APTX: variants seen among roughly 807,000 people sequenced by gnomAD.
The protein encoded by APTX is forkhead-associated domain histidine triad-like protein.
APTX carries 33 observed loss-of-function variants against 42.3 expected under a neutral mutation model. The ratio of observed to expected loss-of-function variants is 0.78; its 90% CI spans 0.59 to 1.04. APTX has a LOEUF of 1.04. APTX is among the 50% of genes least tolerant of loss of function. The pLI is 0.00. For synonymous variants in APTX, 130 were observed against 146.7 expected (o/e 0.89, Z 0.82); for missense variants, 421 against 415.1 (o/e 1.01, Z -0.12).
At chr9:32,986,596 G>A (rs1168205503) in intron 4 of APTX, among the ~76,000 whole-genome samples, 10 of 149,382 alleles carry the variant, frequency 6.7e-5, no homozygotes, top group Non-Finnish European at 1.3e-4. Context: ...TCTGCCTCCC[G>A]GGTTCAAGCG....
In APTX at chr9:33,019,564, C is replaced by T. The variant is rs146740327; in HGVS notation, c.-5+5459G>A. On this transcript the variant is annotated intron_variant, in intron 1 of 6. Transcript: ENST00000436040. Reference sequence around the variant, plus strand: ...AGAGAAAACAAGGGACCCCTGAGCACACAAAGGCAGTACAGGCCGACCATG... The same window carrying T: ...AGAGAAAACAAGGGACCCCTGAGCATACAAAGGCAGTACAGGCCGACCATG... 287 of 350,864 alleles carry T rather than the reference C, an allele frequency of 8.2e-4. 1 individual carries two copies. Among genetic ancestry groups the T allele is most frequent in the African/African-American group, 5.7e-3 (267 of 47,204 alleles). 21.7% of individuals were successfully genotyped at this position (350,864 alleles called of 1,614,324 possible). A position where few individuals can be genotyped will look rare whatever the true frequency, so the allele number is the denominator to read the frequency against.
At chr9:33,018,410 A>G (rs561963380) in intron 1 of APTX, among the ~76,000 whole-genome samples, 1 of 151,702 alleles carries the variant, frequency 6.6e-6, no homozygotes, top group South Asian at 2.1e-4. Flanking sequence ...TCTACTAAAA[A>G]TACAAAAATT....
chr9:32,982,179 T>A (rs190559516), intron 6 of APTX, among the ~76,000 whole-genome samples: 1 of 152,100 alleles, frequency 6.6e-6, no homozygotes, highest in East Asian at 1.9e-4. Context: ...GTCAACCTAA[T>A]CATGAAAAAC....
At chr9:33,025,032 A>C (rs1838757850) in exon 1 of APTX, 1 of 152,376 alleles carries the variant, frequency 6.6e-6, no homozygotes, top group Non-Finnish European at 1.5e-5. Flanking sequence ...CCAGCCGGAG[A>C]CTTCCGCACT....
Position 32,972,827 on chromosome 9 carries a change from A to AAC in APTX, c.*669_*670dup. The AAC allele has an allele frequency of 2.2e-6, 1 of 454,132 alleles. No individual in the cohort carries two copies. Among genetic ancestry groups the AAC allele is most frequent in the Non-Finnish European group, 4.4e-6 (1 of 226,796 alleles). The allele number at this position is 454,132 out of a possible 1,614,324, so 28.1% of individuals were successfully genotyped here. A position where few individuals can be genotyped will look rare whatever the true frequency, so the allele number is the denominator to read the frequency against. On this transcript the variant is annotated 3_prime_UTR_variant, in exon 8 of 8. Coordinates refer to ENST00000379817, the MANE Select transcript of APTX (RefSeq NM_001195248.2). Reference sequence around the variant, plus strand: ...AAGACTTCACAGCTCAATCATGACGAACATGTGGCTGTTTCCTCACAGCCA... The same window carrying AAC: ...AAGACTTCACAGCTCAATCATGACGAACACATGTGGCTGTTTCCTCACAGCCA...
chr9:33,011,298 T>G (rs1287561614), intron 1 of APTX, among the ~76,000 whole-genome samples: 1 of 149,780 alleles, frequency 6.7e-6, no homozygotes, highest in Non-Finnish European at 1.5e-5. Context: ...ATTTTTTTTT[T>G]TTGTTTTGAG....
intron 6 of APTX, among the ~76,000 whole-genome samples, chr9:32,984,131 C>CA (rs1288210606): frequency 2.6e-5 from 4 of 152,304 alleles, no homozygotes; most frequent in African/African-American, 9.6e-5. Flanking sequence ...TGAAAGAAAT[C>CA]AGTCATTCCT....
chr9:33,010,626 G>T (rs1246362790), intron 1 of APTX, among the ~76,000 whole-genome samples: 1 of 152,002 alleles, frequency 6.6e-6, no homozygotes, highest in Non-Finnish European at 1.5e-5. Context: ...GGCTGAGGCA[G>T]GAGAATCGCT....
intron 1 of APTX, among the ~76,000 whole-genome samples, chr9:33,014,420 A>G (rs1837755068): frequency 6.6e-6 from 1 of 152,274 alleles, no homozygotes; most frequent in Non-Finnish European, 1.5e-5. Context: ...GTTTAACCCA[A>G]CAGTAGAATA....
chr9:32,982,194 T>C (rs1042663551), intron 6 of APTX, among the ~76,000 whole-genome samples: 1 of 151,918 alleles, frequency 6.6e-6, no homozygotes, highest in Non-Finnish European at 1.5e-5. Context: ...AAAAACAAAA[T>C]TAGACAAACC....
intron 1 of APTX, among the ~76,000 whole-genome samples, chr9:32,990,713 C>G (rs1037267948): frequency 2.6e-5 from 4 of 152,010 alleles, no homozygotes; most frequent in Non-Finnish European, 5.9e-5. Context: ...AAAGGCTTCA[C>G]GAGGAAGGGA....
At chr9:33,008,408 AT>A (rs1031815488) in intron 1 of APTX, among the ~76,000 whole-genome samples, 1 of 149,970 alleles carries the variant, frequency 6.7e-6, no homozygotes. Flanking sequence ...TCTGACTAAG[AT>A]TTTTTTTTTA....
intron 1 of APTX, among the ~76,000 whole-genome samples, chr9:33,007,237 T>C (rs1389581823): frequency 3.3e-5 from 5 of 152,062 alleles, no homozygotes; most frequent in Non-Finnish European, 5.9e-5. Flanking sequence ...GAAAATCCAA[T>C]GGAGTTAGTG....
intron 1 of APTX, among the ~76,000 whole-genome samples, chr9:33,019,102 G>A (rs937645063): frequency 6.6e-6 from 1 of 152,168 alleles, no homozygotes; most frequent in Admixed American, 6.5e-5. Flanking sequence ...TTAGTTGTGG[G>A]AACTGTACCA....
At position 33,001,580 on chromosome 9, in the gene APTX, A is replaced by C. The variant is rs775264783; in HGVS notation, c.-18T>G. On this transcript the variant is annotated 5_prime_UTR_variant, in exon 1 of 8. Coordinates refer to ENST00000379817, the MANE Select transcript of APTX (RefSeq NM_001195248.2). ...CGACCGCCTTACCTCCAGAAGTCGG[A>C]GACGGACAAATTCACGTTACTCATC... The C allele has an allele frequency of 1.2e-6, 2 of 1,613,990 alleles. No individual in the cohort carries two copies. The highest frequency in any genetic ancestry group is 1.7e-6 in the Non-Finnish European group (2 of 1,180,022).
intron 6 of APTX, among the ~76,000 whole-genome samples, chr9:32,977,138 C>T (rs1357823078): frequency 1.3e-5 from 2 of 152,142 alleles, no homozygotes; most frequent in East Asian, 3.8e-4. Context: ...TACATTTTCA[C>T]TTAAGAGATA....
chr9:33,019,542 G>A (rs533209896), intron 1 of APTX: 2 of 328,786 alleles, frequency 6.1e-6, no homozygotes, highest in Admixed American at 4.9e-5. Flanking sequence ...AAGAACCAGA[G>A]AAAACAAGGG....
chr9:32,974,703 C>CA, intron 6 of APTX, 142 bp from the exon 7 acceptor site: 2 of 646,292 alleles, frequency 3.1e-6, no homozygotes, highest in Non-Finnish European at 5.6e-6. Flanking sequence ...ATAGTGTGTC[C>CA]ATTTAATTCA....
At chr9:33,014,608 G>T (rs766965709) in intron 1 of APTX, among the ~76,000 whole-genome samples, 3 of 152,198 alleles carry the variant, frequency 2.0e-5, no homozygotes, top group Non-Finnish European at 2.9e-5. Context: ...CGCCCTAAAG[G>T]GGGCCCTTAA....
Sources: gnomAD v4.1 joint callset for allele counts (sites outside exome capture counted in the v4.1 genomes callset) on GRCh38, gnomAD v4.1.1 for gene constraint, MANE v1.5 for transcripts, NCBI Gene and HGNC (gene_info 2026-07-23, HGNC 2026-07-21) for gene names.